The following SELENBP1 variants were observed in gnomAD, a reference collection of about 807,000 sequenced individuals.
SELENBP1 encodes methanethiol oxidase.
A neutral mutation model predicts 61.0 loss-of-function variants in SELENBP1; 71 were observed. The observed-to-expected ratio is 1.16, with a 90% CI of 0.96 to 1.42. The LOEUF (loss-of-function observed/expected upper bound fraction) is 1.42. SELENBP1 is among the 40% of genes most tolerant of loss of function. SELENBP1 has a pLI of 0.00. For missense variants in SELENBP1, 561 were observed against 605.0 expected, an observed-to-expected ratio of 0.93 and a Z score of 0.76; for synonymous variants, 270 against 238.9, an observed-to-expected ratio of 1.13 and a Z score of -1.20.
rs200461485 is a variant in SELENBP1 at position 151,364,584 on chromosome 1, G to A, written c.1378C>T (p.Arg460Cys). 9.9e-5 allele frequency: 160 copies of A among 1,614,090 alleles called. 2 individuals carry two copies. Among genetic ancestry groups the A allele is most frequent in the South Asian group, 6.7e-4 (61 of 91,082 alleles). ...PLGPALAHELRYPGGDCSSDI... is the reference protein window; with the variant it reads ...PLGPALAHELCYPGGDCSSDI... ...GAGCTACAATCGCCCCCAGGGTAGCGGAGCTCATGGGCAAGGGCTGGGCCA... is the reference window on the plus strand; with the variant it reads ...GAGCTACAATCGCCCCCAGGGTAGCAGAGCTCATGGGCAAGGGCTGGGCCA... The change falls in exon 12 of 12, where the codon CGC (arginine) becomes TGC (cysteine). Residue 460 changes from arginine (R) to cysteine (C), a missense_variant. Arg to Cys is a radical substitution (Grantham distance 180, BLOSUM62 -3). Coordinates refer to ENST00000368868, the MANE Select transcript of SELENBP1 (RefSeq NM_003944.4).
intron 4 of SELENBP1, among the ~76,000 whole-genome samples, chr1:151,368,556 A>C (rs1272671317): frequency 2.0e-5 from 3 of 152,238 alleles, no homozygotes; most frequent in Non-Finnish European, 4.4e-5. Flanking sequence ...ACCTTTCCCC[A>C]TGTGTCCTGA....
At chr1:151,366,178 G>T (rs148403735) in intron 7 of SELENBP1, 97 bp downstream of exon 7, 2 of 1,436,162 alleles carry the variant, frequency 1.4e-6, no homozygotes, top group South Asian at 1.4e-5. Context: ...CATTTTTTTC[G>T]TTCCTGGAGA....
intron 5 of SELENBP1, chr1:151,367,108 T>G (rs914606750): frequency 7.4e-7 from 1 of 1,345,124 alleles, no homozygotes; most frequent in Non-Finnish European, 9.6e-7. Context: ...TTTGAGAGGC[T>G]GAGGCGGGCG....
chr1:151,368,928 T>C lies in SELENBP1; in HGVS notation c.360+76A>G. The C allele has an allele frequency of 2.0e-6, 3 of 1,474,388 alleles. No individual in the cohort carries two copies. In the South Asian group the frequency reaches 3.8e-5, roughly 19 times the overall value. 91.3% of individuals were successfully genotyped at this position (1,474,388 alleles called of 1,614,324 possible). A position where few individuals can be genotyped will look rare whatever the true frequency, so the allele number is the denominator to read the frequency against. ...GAGCTGGAGGCTGCTGGTTTAGGTC[T>C]GGCTTCCTGCCCGTAGACTACCTGG... On this transcript the variant is annotated intron_variant, in intron 4 of 11. Coordinates refer to ENST00000368868, the MANE Select transcript of SELENBP1 (RefSeq NM_003944.4).
At chr1:151,367,063 G>C in intron 5 of SELENBP1, 159 bp from the exon 6 acceptor site, 1 of 1,431,504 alleles carries the variant, frequency 7.0e-7, no homozygotes, top group Admixed American at 2.8e-5. Context: ...ATCCAGGGCT[G>C]GGGGAAGAGT....
rs1184322827 is a variant in SELENBP1 at position 151,364,575 on chromosome 1, C to T, written c.1387G>A (p.Gly463Arg). The stretch of plus-strand genomic sequence containing the variant: ...CAGATGTCAGAGCTACAATCGCCCC[C>T]AGGGTAGCGGAGCTCATGGGCAAGG... ...PALAHELRYP[G>R]GDCSSDIWI is the part of the protein sequence containing the mutation. The change falls in exon 12 of 12, where the codon GGG becomes AGG. Residue 463 changes from glycine to arginine, a missense_variant. Physicochemically the swap from Gly to Arg is moderately radical, Grantham distance 125. Transcript: ENST00000368868. 5 of 1,614,034 alleles carry T rather than the reference C, an allele frequency of 3.1e-6. No homozygotes were observed. The highest frequency in any genetic ancestry group is 4.2e-6 in the Non-Finnish European group (5 of 1,180,030).
In SELENBP1 at chr1:151,366,301, T is replaced by C. The variant is rs751125374; in HGVS notation, c.817A>G (p.Thr273Ala). 1 of 1,613,866 alleles carries C rather than the reference T, an allele frequency of 6.2e-7. No homozygotes were observed. Among genetic ancestry groups the C allele is most frequent in the Non-Finnish European group, 8.5e-7 (1 of 1,179,954 alleles). Residue 273 changes from threonine to alanine, a missense_variant, in exon 7 of 12, where the codon ACC becomes GCC. By Grantham distance (58) the Thr-to-Ala change is moderately conservative. Coordinates refer to ENST00000368868, the MANE Select transcript of SELENBP1 (RefSeq NM_003944.4). ...TCGTTCTTGTAGAAGCGCTGGATGG[T>C]GGAGCTGAGTGCGCAGCCCACAAAG... is the stretch of plus-strand genomic sequence containing the variant. Reference protein sequence around the residue: ...QGFVGCALSSTIQRFYKNEGG... With the variant: ...QGFVGCALSSAIQRFYKNEGG...
rs1053170653 is a variant in SELENBP1 at position 151,365,698 on chromosome 1, G to A, written c.923-14C>T. 5 of 1,614,032 alleles carry A rather than the reference G, an allele frequency of 3.1e-6. No individual in the cohort carries two copies. The highest frequency in any genetic ancestry group is 4.2e-6 in the Non-Finnish European group (5 of 1,180,040). ...CGGTGATCAGGCCTGTGGGCAGGGG[G>A]CGAGTAGAGCCTTTAAGGACTCTTG... On this transcript the variant is annotated splice_polypyrimidine_tract_variant and intron_variant, in intron 8 of 11. Transcript: ENST00000368868.
chr1:151,366,321 A>G lies in SELENBP1; in HGVS notation c.797T>C (p.Val266Ala). ...GATGGTGGAGCTGAGTGCGCAGCCCACAAAGCCTTGGGCAGCGTCTGGGTT... is the reference window on the plus strand; with the variant it reads ...GATGGTGGAGCTGAGTGCGCAGCCCGCAAAGCCTTGGGCAGCGTCTGGGTT... ...LHNPDAAQGFVGCALSSTIQR... is the reference protein window; with the variant it reads ...LHNPDAAQGFAGCALSSTIQR... The change falls in exon 7 of 12, where the codon GTG (valine) becomes GCG (alanine). Residue 266 changes from valine to alanine, a missense_variant. Coordinates refer to ENST00000368868, the MANE Select transcript of SELENBP1 (RefSeq NM_003944.4). The G allele has an allele frequency of 6.2e-7, 1 of 1,614,174 alleles. No individual in the cohort carries two copies. The highest frequency in any genetic ancestry group is 8.5e-7 in the Non-Finnish European group (1 of 1,180,028).
chr1:151,372,698 G>A lies in SELENBP1; in HGVS notation c.-57C>T, dbSNP rs1652198529. The A allele has an allele frequency of 1.2e-6, 2 of 1,613,538 alleles. No homozygotes were observed. The highest frequency in any genetic ancestry group is 2.2e-5 in the East Asian group (1 of 44,872). On this transcript the variant is annotated 5_prime_UTR_variant, in exon 1 of 12. Transcript: ENST00000368868. Reference sequence around the variant, plus strand: ...GTTTGCTGTGCTGGTGTCAGAGGCCGCTGTTCCGGGGAAGGAGCGAAGGGA... The same window carrying A: ...GTTTGCTGTGCTGGTGTCAGAGGCCACTGTTCCGGGGAAGGAGCGAAGGGA...
rs1416634912 is a variant in SELENBP1 at position 151,365,808 on chromosome 1, G to T, written c.882C>A (p.Pro294=). ...GCAGCCAGCCCTTCACTTTCTTGGG[G>T]GGCACCTGGATCACCTTCTCCACTG... ...TWSVEKVIQV[P]PKKVKGWLLP... Residue 294 remains proline, a synonymous_variant, in exon 8 of 12, where the codon CCC becomes CCA. Coordinates refer to ENST00000368868, the MANE Select transcript of SELENBP1 (RefSeq NM_003944.4). 3 of 1,614,152 alleles carry T rather than the reference G, an allele frequency of 1.9e-6. No homozygotes were observed. Among genetic ancestry groups the T allele is most frequent in the Non-Finnish European group, 2.5e-6 (3 of 1,180,022 alleles).
chr1:151,366,160 T>G (rs1433304983), intron 7 of SELENBP1, 115 bp downstream of exon 7: 3 of 1,261,192 alleles, frequency 2.4e-6, no homozygotes, highest in African/African-American at 3.0e-5. Flanking sequence ...AGACAGGGCA[T>G]GCAGCCTCAT....
At chr1:151,367,306 T>G (rs113858747) in intron 5 of SELENBP1, 4,629 of 117,312 alleles carry the variant, frequency 0.039, 255 homozygotes, top group African/African-American at 0.14. Context: ...ATTGCGCCAC[T>G]GCACTCTAGC....
In SELENBP1 at chr1:151,366,291, C is replaced by T. The variant is rs765918794; in HGVS notation, c.827G>A (p.Arg276His). Residue 276 changes from arginine (R) to histidine (H), a missense_variant, in exon 7 of 12, where the codon CGC becomes CAC. Arg to His is a conservative substitution (Grantham distance 29). Coordinates refer to ENST00000368868, the MANE Select transcript of SELENBP1 (RefSeq NM_003944.4). Reference protein sequence around the residue: ...VGCALSSTIQRFYKNEGGTWS... With the variant: ...VGCALSSTIQHFYKNEGGTWS... ...GTATGTCACCTCGTTCTTGTAGAAG[C>T]GCTGGATGGTGGAGCTGAGTGCGCA... is the stretch of plus-strand genomic sequence containing the variant. The T allele has an allele frequency of 3.3e-5, 54 of 1,613,478 alleles. No homozygotes were observed. The highest frequency in any genetic ancestry group is 4.2e-5 in the Non-Finnish European group (49 of 1,179,840).
chr1:151,372,486 G>A, intron 1 of SELENBP1, 152 bp downstream of exon 1: 1 of 941,200 alleles, frequency 1.1e-6, no homozygotes, highest in South Asian at 1.4e-5. Context: ...GGGTGGTGGG[G>A]GAGGGGGTGT....
At chr1:151,369,373 G>T (rs940957020) in intron 3 of SELENBP1, 69 bp downstream of exon 3, 19 of 1,479,820 alleles carry the variant, frequency 1.3e-5, no homozygotes, top group Middle Eastern at 1.9e-4. Context: ...AGCTGGGAAG[G>T]GGGGGCCCAG....
At chr1:151,367,533 C>T (rs776283935) in intron 5 of SELENBP1, among the ~76,000 whole-genome samples, 4 of 152,056 alleles carry the variant, frequency 2.6e-5, no homozygotes, top group African/African-American at 4.8e-5. Context: ...GTTTCTCCCA[C>T]GAGATCTTCT....
At chr1:151,368,899 G>A (rs1015790256) in intron 4 of SELENBP1, 105 bp downstream of exon 4, 43 of 1,238,902 alleles carry the variant, frequency 3.5e-5, no homozygotes, top group African/African-American at 7.5e-5. Flanking sequence ...CAGTTGCCGC[G>A]TAAGAGCTGG....
chr1:151,370,833 G>T (rs1408543115), intron 1 of SELENBP1, among the ~76,000 whole-genome samples: 1 of 152,202 alleles, frequency 6.6e-6, no homozygotes, highest in Non-Finnish European at 1.5e-5. Context: ...GGCCGCAAGT[G>T]GGGAGCCAGG....
Sources: gnomAD v4.1 joint callset for allele counts (sites outside exome capture counted in the v4.1 genomes callset) on GRCh38, gnomAD v4.1.1 for gene constraint, MANE v1.5 for transcripts, NCBI Gene and HGNC (gene_info 2026-07-23, HGNC 2026-07-21) for gene names.